Variants in ANKS1B observed in about 807,000 individuals in gnomAD.
The protein encoded by ANKS1B is ankyrin repeat and sterile alpha motif domain containing 1B, also known as ankyrin repeat and sterile alpha motif domain-containing protein 1B.
A neutral mutation model predicts 148.3 loss-of-function variants in ANKS1B; 36 were observed. The ratio of observed to expected loss-of-function variants is 0.24; its 90% confidence interval spans 0.19 to 0.32. The LOEUF (loss-of-function observed/expected upper bound fraction) is 0.32. ANKS1B is among the 10% of genes least tolerant of loss of function. The pLI, the probability that ANKS1B is intolerant of heterozygous loss-of-function variation, is 1.00. For synonymous variants in ANKS1B, 542 were observed against 560.8 expected (o/e 0.97, Z 0.47); for missense variants, 1,157 against 1,542.6 (o/e 0.75, Z 4.19).
chr12:98,794,392 CAAAAAAAA>C (rs571692746), intron 22 of ANKS1B: 121 of 84,120 alleles, frequency 1.4e-3, no homozygotes, highest in Middle Eastern at 6.3e-3. Flanking sequence ...AACTCTGTCT[CAAAAAAAA>C]AAAAAAAAAA....
chr12:98,867,583 G>A (rs547586098), intron 17 of ANKS1B, among the ~76,000 whole-genome samples: 41 of 152,218 alleles, frequency 2.7e-4, no homozygotes, highest in Non-Finnish European at 4.0e-4. Context: ...TCAGTTTGTC[G>A]GGCGCAGTGG....
chr12:98,949,376 A>T (rs893973380), intron 17 of ANKS1B, among the ~76,000 whole-genome samples: 3 of 152,074 alleles, frequency 2.0e-5, no homozygotes, highest in Non-Finnish European at 4.4e-5. Flanking sequence ...TCTGAGCAAA[A>T]CTGGACCTAG....
At chr12:99,417,608 T>C (rs1336392050) in intron 11 of ANKS1B, among the ~76,000 whole-genome samples, 1 of 152,128 alleles carries the variant, frequency 6.6e-6, no homozygotes, top group Non-Finnish European at 1.5e-5. Context: ...TTGATAGGAA[T>C]TATGTTAAAT....
chr12:99,702,548 C>T (rs545176664), intron 8 of ANKS1B, among the ~76,000 whole-genome samples: 112 of 151,546 alleles, frequency 7.4e-4, no homozygotes, highest in Middle Eastern at 3.4e-3. Context: ...GTTTGATTGC[C>T]TTTTTTTTAT....
At chr12:99,153,640 C>T (rs2075524946) in intron 15 of ANKS1B, among the ~76,000 whole-genome samples, 1 of 152,190 alleles carries the variant, frequency 6.6e-6, no homozygotes, top group Non-Finnish European at 1.5e-5. Flanking sequence ...ACTATACTTA[C>T]TCCACCAACC....
In ANKS1B at chr12:99,015,692, C is replaced by CA. The variant is rs1403887354; in HGVS notation, c.2778+37464_2778+37465insT. Among the ~76,000 whole-genome samples the CA allele has an allele frequency of 9.9e-5, 15 of 152,186 alleles. No individual in the cohort carries two copies. The East Asian group carries it at 2.9e-3, about 29-fold the overall frequency. On this transcript the variant is annotated intron_variant, in intron 17 of 26. Transcript: ENST00000683438. Reference sequence around the variant, plus strand: ...CCATCCTGGCTAACACGATGAAACACCGTCTCTATTAAAAATACAAAAAAT... The same window carrying CA: ...CCATCCTGGCTAACACGATGAAACACACGTCTCTATTAAAAATACAAAAAAT...
chr12:99,056,110 G>T (rs143736093), intron 16 of ANKS1B, among the ~76,000 whole-genome samples: 1 of 152,104 alleles, frequency 6.6e-6, no homozygotes, highest in Non-Finnish European at 1.5e-5. Context: ...AGTATCATCC[G>T]CCCACTCATT....
At chr12:99,899,910 TTTC>T (rs2093528323) in intron 1 of ANKS1B, among the ~76,000 whole-genome samples, 2 of 145,572 alleles carry the variant, frequency 1.4e-5, no homozygotes, top group Non-Finnish European at 1.6e-5. Flanking sequence ...ATTTTTTTTT[TTTC>T]TTTTAGATGG....
At chr12:99,954,629 C>T (rs2095285620) in intron 1 of ANKS1B, among the ~76,000 whole-genome samples, 1 of 152,144 alleles carries the variant, frequency 6.6e-6, no homozygotes, top group Non-Finnish European at 1.5e-5. Flanking sequence ...TCACCCTTTC[C>T]TTAGCTAACA....
rs115512497 is a variant in ANKS1B, at chr12:99,723,806, C to T, written c.1128+49116G>A. ...AGGAAGGAGGAAGCACCCATCTTTG[C>T]TGTTTTCCAGCCTCCTTGAGTGACT... On this transcript the variant is annotated intron_variant, in intron 8 of 26. Transcript: ENST00000683438. Among the ~76,000 whole-genome samples, 1,241 of 152,238 alleles carry T rather than the reference C, an allele frequency of 8.2e-3. 19 individuals are homozygous for T. The highest frequency in any genetic ancestry group is 0.028 in the African/African-American group (1,182 of 41,530).
intron 1 of ANKS1B, among the ~76,000 whole-genome samples, chr12:99,889,335 T>C (rs564957743): frequency 4.6e-5 from 7 of 152,328 alleles, no homozygotes; most frequent in African/African-American, 1.7e-4. Context: ...TGTCAAAGTA[T>C]GGGAGCTGAC....
chr12:99,222,894 T>C (rs938912384), intron 14 of ANKS1B, among the ~76,000 whole-genome samples: 3 of 152,224 alleles, frequency 2.0e-5, no homozygotes, highest in Non-Finnish European at 2.9e-5. Flanking sequence ...AAAAATTCTT[T>C]TTTAAATTAA....
intron 12 of ANKS1B, among the ~76,000 whole-genome samples, chr12:99,268,700 T>C (rs1365641835): frequency 6.6e-6 from 1 of 152,242 alleles, no homozygotes; most frequent in Admixed American, 6.5e-5. Flanking sequence ...ATTTCCTTTT[T>C]TATTCTAAAT....
intron 14 of ANKS1B, among the ~76,000 whole-genome samples, chr12:99,162,800 G>A (rs974884404): frequency 4.6e-5 from 7 of 152,076 alleles, no homozygotes; most frequent in African/African-American, 1.7e-4. Context: ...GGTGGCTCAC[G>A]CCTAATCTCA....
chr12:99,853,973 A>C (rs2088508085), intron 1 of ANKS1B, among the ~76,000 whole-genome samples: 1 of 152,182 alleles, frequency 6.6e-6, no homozygotes, highest in Non-Finnish European at 1.5e-5. Context: ...AGAAAAAAAA[A>C]ACTTCAGAGC....
chr12:99,251,180 T>C (rs1042073874), intron 12 of ANKS1B, among the ~76,000 whole-genome samples: 6 of 152,134 alleles, frequency 3.9e-5, no homozygotes, highest in Admixed American at 2.6e-4. Context: ...ACACAAATAT[T>C]TGGACCATGG....
At chr12:99,678,080 C>T (rs2153478566) in intron 8 of ANKS1B, among the ~76,000 whole-genome samples, 1 of 152,314 alleles carries the variant, frequency 6.6e-6, no homozygotes, top group Admixed American at 6.5e-5. Flanking sequence ...CCATTCATTA[C>T]TCTGTTGTGG....
At chr12:99,492,040 A>T (rs528167806) in intron 10 of ANKS1B, among the ~76,000 whole-genome samples, 3 of 152,312 alleles carry the variant, frequency 2.0e-5, no homozygotes, top group Admixed American at 1.3e-4. Flanking sequence ...GCAGAAGACA[A>T]GAAATAACTG....
At chr12:99,225,994 A>T (rs536762708) in intron 14 of ANKS1B, among the ~76,000 whole-genome samples, 1 of 152,106 alleles carries the variant, frequency 6.6e-6, no homozygotes, top group Non-Finnish European at 1.5e-5. Context: ...TTCCTTTTAT[A>T]CTATCTAGTT....
Sources: allele counts gnomAD v4.1 joint callset (sites outside exome capture counted in the v4.1 genomes callset), GRCh38; gene constraint gnomAD v4.1.1; transcripts MANE v1.5; gene names NCBI Gene and HGNC (gene_info 2026-07-23, HGNC 2026-07-21).